Variants in ARL17A observed in about 807,000 individuals in gnomAD.
ARL17A encodes the protein ARF like GTPase 17A.
the ARL17A span, among the ~76,000 whole-genome samples, chr17:46,501,790 C>T: frequency 4.6e-5 from 7 of 151,402 alleles, no homozygotes; most frequent in South Asian, 4.1e-4. Context: ...CTGACTGCTT[C>T]CTGCTAATCT....
intron 3 of ARL17A, among the ~76,000 whole-genome samples, chr17:46,520,883 T>G (rs1161558028): frequency 1.4e-5 from 1 of 72,728 alleles, no homozygotes; most frequent in East Asian, 2.5e-4. Context: ...ATCCAGAATT[T>G]TTTGGTAATT....
intron 3 of ARL17A, among the ~76,000 whole-genome samples, chr17:46,568,482 T>G (rs1398314902): frequency 9.5e-5 from 10 of 105,344 alleles, no homozygotes; most frequent in South Asian, 2.6e-4. Flanking sequence ...ATCCAGAATG[T>G]GGAATAAGCA....
chr17:46,534,732 C>T (rs1482615178), intron 4 of ARL17A, among the ~76,000 whole-genome samples: 4 of 150,094 alleles, frequency 2.7e-5, no homozygotes, highest in African/African-American at 7.6e-5. Context: ...GACGGGGTGG[C>T]GGCCGGGCAG....
At chr17:46,521,415 TACTC>T (rs1469794033) in intron 3 of ARL17A, among the ~76,000 whole-genome samples, 2 of 51,534 alleles carry the variant, frequency 3.9e-5, no homozygotes, top group Non-Finnish European at 9.6e-5. Flanking sequence ...ATTTTCCTTC[TACTC>T]ACTCCCCCCT....
At chr17:46,558,232 G>T (rs1381050399) in intron 3 of ARL17A, among the ~76,000 whole-genome samples, 18 of 84,954 alleles carry the variant, frequency 2.1e-4, no homozygotes, top group South Asian at 3.5e-4. Flanking sequence ...GCTAATTTTT[G>T]TATTTTTAGT....
At chr17:46,558,853 T>C (rs1402750608) in intron 3 of ARL17A, 2 of 128,970 alleles carry the variant, frequency 1.6e-5, no homozygotes, top group African/African-American at 6.1e-5. Flanking sequence ...TTTTTTTTTT[T>C]TTTTTTTCAG....
chr17:46,542,520 TATATAG>T (rs1165051895), intron 3 of ARL17A, among the ~76,000 whole-genome samples: 6 of 146,716 alleles, frequency 4.1e-5, no homozygotes, highest in South Asian at 2.1e-4. Context: ...GCAGGATATA[TATATAG>T]ATATAGATAT....
intron 3 of ARL17A, among the ~76,000 whole-genome samples, chr17:46,517,643 C>A: frequency 1.2e-4 from 1 of 8,514 alleles, no homozygotes; most frequent in African/African-American, 3.8e-4. Flanking sequence ...TATTTTTTAT[C>A]ATACAAATAG....
chr17:46,504,897 TG>T, the ARL17A span, among the ~76,000 whole-genome samples: 8 of 124,210 alleles, frequency 6.4e-5, no homozygotes, highest in South Asian at 1.6e-3. Context: ...TTTAATACAT[TG>T]ATTTATTAAT....
chr17:46,551,032 T>G (rs1020214897), downstream of ARL17A, among the ~76,000 whole-genome samples: 1 of 149,804 alleles, frequency 6.7e-6, no homozygotes, highest in African/African-American at 2.6e-5. Flanking sequence ...CACTACAGAG[T>G]AGCCATCTTT....
chr17:46,552,698 T>C (rs1466993872), downstream of ARL17A: 1 of 78,780 alleles, frequency 1.3e-5, no homozygotes, highest in Non-Finnish European at 3.3e-5. Flanking sequence ...AGGCTGAATA[T>C]TTGAAGAAAA....
chr17:46,548,857 G>C (rs1287620590), downstream of ARL17A: 3 of 1,612,478 alleles, frequency 1.9e-6, no homozygotes, highest in Admixed American at 5.0e-5. Flanking sequence ...CTTCACCCAA[G>C]AGCATAAGGC....
At chr17:46,542,618 C>T (rs921829081) in intron 3 of ARL17A, among the ~76,000 whole-genome samples, 3 of 150,038 alleles carry the variant, frequency 2.0e-5, no homozygotes, top group African/African-American at 7.6e-5. Flanking sequence ...TCACTTGAAC[C>T]CAGGAGGTGG....
At chr17:46,518,267 C>T (rs1238904144) in intron 3 of ARL17A, among the ~76,000 whole-genome samples, 1 of 151,256 alleles carries the variant, frequency 6.6e-6, no homozygotes, top group Admixed American at 6.6e-5. Context: ...CTGAGAGGGT[C>T]ACCCCATTCA....
At chr17:46,501,172 A>G in the ARL17A span, among the ~76,000 whole-genome samples, 1 of 151,164 alleles carries the variant, frequency 6.6e-6, no homozygotes, top group Non-Finnish European at 1.5e-5. Flanking sequence ...ACAAGCCACC[A>G]TGCCCAGCTA....
intron 2 of ARL17A, among the ~76,000 whole-genome samples, chr17:46,575,378 G>C (rs1265139290): frequency 2.0e-5 from 3 of 151,934 alleles, no homozygotes; most frequent in African/African-American, 7.3e-5. Context: ...GTTTGAGCCA[G>C]AGTGAAGAAA....
At position 46,532,062 on chromosome 17, in the gene ARL17A, C is replaced by T. The variant is rs530254599; in HGVS notation, c.336-3203G>A. Among the ~76,000 whole-genome samples, 40 of 150,456 alleles carry T rather than the reference C, an allele frequency of 2.7e-4. 1 individual carries two copies. Among genetic ancestry groups the T allele is most frequent in the Non-Finnish European group, 4.4e-4 (30 of 67,934 alleles). ...TGACGCCATTACACTCAAGCCTGGG[C>T]AACAGAGTGAGACTCCAATGGAGAC... On this transcript the variant is annotated intron_variant, in intron 4 of 4. Transcript: ENST00000329240.
At chr17:46,558,469 C>T (rs1443061588) in intron 3 of ARL17A, among the ~76,000 whole-genome samples, 37 of 120,580 alleles carry the variant, frequency 3.1e-4, no homozygotes, top group Non-Finnish European at 8.5e-5. Flanking sequence ...TGACTGCAAC[C>T]TCTGCCTTCC....
rs1424138388 is a variant in ARL17A, at chr17:46,556,361, TGAA to T, written c.*992_*994del. Reference sequence around the variant, plus strand: ...AAAGGACACAAATGATGAAGCCAGTTGAAGAGATACACAGGGTGAGGTTTGGAA... The same window carrying T: ...AAAGGACACAAATGATGAAGCCAGTTGAGATACACAGGGTGAGGTTTGGAA... On this transcript the variant is annotated 3_prime_UTR_variant, in exon 4 of 4. Transcript: ENST00000336125. 2 of 67,102 alleles carry T rather than the reference TGAA, an allele frequency of 3.0e-5. No individual in the cohort carries two copies. Among genetic ancestry groups the T allele is most frequent in the African/African-American group, 2.1e-4 (2 of 9,754 alleles). The allele number at this position is 67,102 out of a possible 1,614,324, so 4.2% of individuals were successfully genotyped here.
Sources: allele counts gnomAD v4.1 joint callset (sites outside exome capture counted in the v4.1 genomes callset), GRCh38; gene constraint gnomAD v4.1.1; transcripts MANE v1.5; gene names NCBI Gene and HGNC (gene_info 2026-07-23, HGNC 2026-07-21).